Variants in CDH2 observed in about 807,000 individuals in gnomAD.
CDH2 encodes the protein cadherin-2.
A neutral mutation model predicts 92.0 loss-of-function variants in CDH2; 17 were observed. That is an observed-to-expected ratio of 0.18 (90% CI 0.13 to 0.28). The LOEUF is 0.28. CDH2 is among the 10% of genes least tolerant of loss of function. The pLI is 1.00. For synonymous variants in CDH2, 419 were observed against 415.9 expected (o/e 1.01, Z -0.09); for missense variants, 862 against 1,133.1 (o/e 0.76, Z 3.44).
rs200654554 is a variant in CDH2, at chr18:27,951,871, A to T, written c.*282T>A. 4.1e-5 allele frequency: 16 copies of T among 394,844 alleles called. No homozygotes were observed. Among genetic ancestry groups the T allele is most frequent in the Non-Finnish European group, 7.0e-5 (15 of 212,898 alleles). The allele number at this position is 394,844 out of a possible 1,614,324, so 24.5% of individuals were successfully genotyped here. On this transcript the variant is annotated 3_prime_UTR_variant, in exon 16 of 16. Transcript: ENST00000269141. ...CAGAAATCAGTACCATTAAAGCCTT[A>T]AACAGAAAACTAATTCCAATCTGAA...
At chr18:28,148,197 T>G (rs1270203475) in intron 1 of CDH2, among the ~76,000 whole-genome samples, 1 of 152,182 alleles carries the variant, frequency 6.6e-6, no homozygotes, top group East Asian at 1.9e-4. Context: ...TTTTATATTT[T>G]TAGCTAATTT....
At chr18:28,128,671 G>A (rs987519218) in intron 2 of CDH2, among the ~76,000 whole-genome samples, 5 of 150,944 alleles carry the variant, frequency 3.3e-5, no homozygotes, top group Non-Finnish European at 7.4e-5. Context: ...GGGAAACAGG[G>A]CACGACCCCG....
At chr18:28,103,203 A>C (rs2015257850) in intron 2 of CDH2, among the ~76,000 whole-genome samples, 1 of 146,198 alleles carries the variant, frequency 6.8e-6, no homozygotes, top group Non-Finnish European at 1.5e-5. Context: ...TCCTTTATAT[A>C]TATATAAAGT....
At chr18:27,988,449 A>C (rs1349091040) in intron 11 of CDH2, 75 bp downstream of exon 11, 2 of 1,320,244 alleles carry the variant, frequency 1.5e-6, no homozygotes, top group Non-Finnish European at 2.1e-6. Flanking sequence ...TTTTGTAGAA[A>C]ACTTTAATTC....
intron 14 of CDH2, among the ~76,000 whole-genome samples, chr18:27,980,531 A>G (rs1296994376): frequency 2.0e-5 from 3 of 152,152 alleles, no homozygotes; most frequent in Non-Finnish European, 4.4e-5. Flanking sequence ...TGAGGTTAAA[A>G]ATTAGATGCA....
At chr18:27,950,588 C>T (rs554547673), downstream of CDH2, among the ~76,000 whole-genome samples, 16 of 152,250 alleles carry the variant, frequency 1.1e-4, no homozygotes, top group African/African-American at 3.6e-4. Flanking sequence ...ACCCACTTTA[C>T]TGAAGTTTCC....
At chr18:28,069,159 A>C (rs2014568948) in intron 2 of CDH2, among the ~76,000 whole-genome samples, 2 of 152,146 alleles carry the variant, frequency 1.3e-5, no homozygotes, top group Non-Finnish European at 2.9e-5. Flanking sequence ...TTATTTCACA[A>C]CTTGTGCACA....
intron 1 of CDH2, among the ~76,000 whole-genome samples, chr18:28,164,063 T>C (rs184704549): frequency 3.3e-5 from 5 of 152,342 alleles, no homozygotes; most frequent in Admixed American, 1.3e-4. Context: ...ATACACTTTA[T>C]AGACTCCTCT....
At position 28,064,354 on chromosome 18, in the gene CDH2, C is replaced by T. The variant is rs193296480; in HGVS notation, c.173-50445G>A. Among the ~76,000 whole-genome samples, 163 of 152,148 alleles carry T rather than the reference C, an allele frequency of 1.1e-3. 1 individual carries two copies. Among genetic ancestry groups the T allele is most frequent in the Middle Eastern group, 0.01 (3 of 292 alleles). On this transcript the variant is annotated intron_variant, in intron 2 of 15. Coordinates refer to ENST00000269141, the MANE Select transcript of CDH2 (RefSeq NM_001792.5). ...CCAGGCAGTCTCTCACCCTGAAACTCCTGGGCTCAAGCAATCCCCTCTTGC... is the reference window on the plus strand; with the variant it reads ...CCAGGCAGTCTCTCACCCTGAAACTTCTGGGCTCAAGCAATCCCCTCTTGC...
At chr18:28,018,186 C>T (rs1289455172) in intron 2 of CDH2, among the ~76,000 whole-genome samples, 1 of 147,416 alleles carries the variant, frequency 6.8e-6, no homozygotes, top group Admixed American at 6.8e-5. Context: ...AAGGAGGCAA[C>T]AGACTGCTGT....
chr18:28,060,026 T>C (rs748409204), intron 2 of CDH2, among the ~76,000 whole-genome samples: 22 of 152,298 alleles, frequency 1.4e-4, no homozygotes, highest in East Asian at 1.2e-3. Flanking sequence ...ATCTAGAAGT[T>C]TGATCAGACC....
chr18:28,044,552 G>C (rs147549611), intron 2 of CDH2, among the ~76,000 whole-genome samples: 3 of 152,224 alleles, frequency 2.0e-5, no homozygotes, highest in African/African-American at 7.2e-5. Context: ...TCTCTGTTAT[G>C]ACACTTCTAT....
At chr18:28,077,721 T>C (rs1385160391) in intron 2 of CDH2, among the ~76,000 whole-genome samples, 1 of 151,732 alleles carries the variant, frequency 6.6e-6, no homozygotes, top group Admixed American at 6.6e-5. Flanking sequence ...TGAAACCCCG[T>C]CTCTGCCAAA....
intron 2 of CDH2, among the ~76,000 whole-genome samples, chr18:28,136,078 T>C (rs927985586): frequency 6.6e-6 from 1 of 152,196 alleles, no homozygotes; most frequent in African/African-American, 2.4e-5. Flanking sequence ...GCACAATACA[T>C]GCCAAATCTG....
At chr18:28,174,071 T>C (rs1478770712) in intron 1 of CDH2, among the ~76,000 whole-genome samples, 4 of 152,144 alleles carry the variant, frequency 2.6e-5, no homozygotes, top group African/African-American at 9.7e-5. Flanking sequence ...ACTAAACTAG[T>C]AATTTCTCTA....
rs770739407 is a variant in CDH2 at position 28,036,523 on chromosome 18, C to T, written c.173-22614G>A. 15 of 1,607,816 alleles carry T rather than the reference C, an allele frequency of 9.3e-6. No homozygotes were observed. In the Admixed American group the frequency reaches 2.5e-4, roughly 27 times the overall value. ...GTTCTTTAATTTCTCAGTGAAGATA[C>T]ACACATAACGCCTTAATAAAAACAT... On this transcript the variant is annotated intron_variant, in intron 2 of 15. Coordinates refer to ENST00000269141, the MANE Select transcript of CDH2 (RefSeq NM_001792.5).
intron 2 of CDH2, 85 bp downstream of exon 2, chr18:28,147,588 T>C: frequency 1.3e-6 from 1 of 776,504 alleles, no homozygotes; most frequent in South Asian, 1.7e-5. Flanking sequence ...TGTTATACAG[T>C]AGAAATGATT....
At chr18:27,961,997 G>A (rs909213933) in intron 15 of CDH2, among the ~76,000 whole-genome samples, 2 of 152,128 alleles carry the variant, frequency 1.3e-5, no homozygotes, top group African/African-American at 4.8e-5. Flanking sequence ...CCTACAGTCA[G>A]AAGATTCACT....
rs2016511775 is a variant in CDH2, at chr18:28,174,694, A to AT, written c.60+2268dup. 2.0e-5 allele frequency among the ~76,000 whole-genome samples: 3 copies of AT among 152,368 alleles called. No homozygotes were observed. In the South Asian group the frequency reaches 6.2e-4, roughly 32 times the overall value. ...AAATTCACACCTGACTTCAAGGCAG[A>AT]TGACTAAAACAGAAAATGAGAGTGC... On this transcript the variant is annotated intron_variant, in intron 1 of 15. Coordinates refer to ENST00000269141, the MANE Select transcript of CDH2 (RefSeq NM_001792.5).
Sources: gnomAD v4.1 joint callset for allele counts (sites outside exome capture counted in the v4.1 genomes callset) on GRCh38, gnomAD v4.1.1 for gene constraint, MANE v1.5 for transcripts, NCBI Gene and HGNC (gene_info 2026-07-23, HGNC 2026-07-21) for gene names.